The following ARF5 variants were observed in gnomAD, a reference collection of about 807,000 sequenced individuals.
ARF5 encodes the protein ARF GTPase 5.
ARF5 carries 10 observed loss-of-function variants against 24.8 expected under a neutral mutation model. The observed-to-expected ratio is 0.40, with a 90% CI of 0.25 to 0.68. The LOEUF (loss-of-function observed/expected upper bound fraction) is 0.68, where lower values mean the gene tolerates loss of function less well. ARF5 is among the 30% of genes least tolerant of loss of function. The pLI is 0.36. For missense variants in ARF5, 135 were observed against 239.2 expected, an observed-to-expected ratio of 0.56 and a Z score of 2.87; for synonymous variants, 102 against 95.1, an observed-to-expected ratio of 1.07 and a Z score of -0.42.
intron 2 of ARF5, 70 bp from the exon 3 acceptor site, chr7:127,589,415 A>T: frequency 7.5e-7 from 1 of 1,340,140 alleles, no homozygotes; most frequent in Admixed American, 1.8e-5. Flanking sequence ...TCCCTGCTGA[A>T]ATCTAAGTAG....
intron 3 of ARF5, 124 bp from the exon 4 acceptor site, chr7:127,589,942 G>A (rs1191976715): frequency 6.7e-6 from 6 of 892,346 alleles, no homozygotes; most frequent in African/African-American, 4.9e-5. Context: ...GTAAACTTCT[G>A]TAGAGTTTAC....
At chr7:127,589,348 C>T in intron 2 of ARF5, 137 bp from the exon 3 acceptor site, 1 of 1,054,718 alleles carries the variant, frequency 9.5e-7, no homozygotes, top group Non-Finnish European at 1.4e-6. Flanking sequence ...GCCCTGTTGA[C>T]CGCCAGTTCT....
chr7:127,590,882 A>G, intron 4 of ARF5, 81 bp from the exon 5 acceptor site: 2 of 1,503,638 alleles, frequency 1.3e-6, no homozygotes, highest in Middle Eastern at 3.6e-4. Context: ...TCCAATCAAG[A>G]TGCTAGGAGG....
chr7:127,588,860 C>T (rs1448704574), intron 1 of ARF5: 5 of 597,500 alleles, frequency 8.4e-6, no homozygotes, highest in Non-Finnish European at 1.5e-5. Flanking sequence ...GCCTACCTCC[C>T]GTGCCCCTTG....
chr7:127,589,308 C>G (rs915916950), intron 2 of ARF5, 145 bp downstream of exon 2: 1 of 1,133,248 alleles, frequency 8.8e-7, no homozygotes, highest in Non-Finnish European at 1.3e-6. Flanking sequence ...TACGTGGATA[C>G]CGGAGGCAGG....
At chr7:127,589,880 A>C (rs1794258458) in intron 3 of ARF5, 186 bp from the exon 4 acceptor site, 2 of 626,344 alleles carry the variant, frequency 3.2e-6, no homozygotes, top group Non-Finnish European at 5.6e-6. Flanking sequence ...TCCTCTTTGC[A>C]GTGGGGTCTC....
intron 1 of ARF5, 54 bp downstream of exon 1, chr7:127,588,619 C>A: frequency 7.7e-7 from 1 of 1,291,866 alleles, no homozygotes; most frequent in Non-Finnish European, 1.0e-6. Context: ...CGGCGCAGCC[C>A]TTCCGCCCCC....
chr7:127,588,988 C>A, intron 1 of ARF5, 95 bp from the exon 2 acceptor site: 1 of 1,423,138 alleles, frequency 7.0e-7, no homozygotes, highest in South Asian at 1.2e-5. Flanking sequence ...GCTCTCCGCC[C>A]CAGTCACCAT....
At position 127,588,470 on chromosome 7, in the gene ARF5, G is replaced by C; in HGVS notation, c.-29G>C. The C allele has an allele frequency of 2.1e-6, 3 of 1,405,236 alleles. No individual in the cohort carries two copies. The highest frequency in any genetic ancestry group is 1.9e-6 in the Non-Finnish European group (2 of 1,064,654). 87.0% of individuals were successfully genotyped at this position (1,405,236 alleles called of 1,614,324 possible). A position where few individuals can be genotyped will look rare whatever the true frequency, so the allele number is the denominator to read the frequency against. On this transcript the variant is annotated 5_prime_UTR_variant, in exon 1 of 6. Transcript: ENST00000000233. The stretch of plus-strand genomic sequence containing the variant: ...CCAGTTCCAGCCCGCACCCCGCGTC[G>C]GTGCCCGCGCCCCTCCCCGGGCCCC...
chr7:127,589,741 C>A, intron 3 of ARF5, 147 bp downstream of exon 3: 1 of 640,136 alleles, frequency 1.6e-6, no homozygotes, highest in Non-Finnish European at 2.7e-6. Context: ...CCCCTACTCA[C>A]TCTTCAGAAC....
chr7:127,591,273 C>G lies in ARF5; in HGVS notation c.517C>G (p.Leu173Val). Residue 173 changes from leucine (L) to valine (V), a missense_variant, in exon 6 of 6, where the codon CTG (leucine) becomes GTG (valine). Leu to Val is a conservative substitution (Grantham distance 32, BLOSUM62 1). Coordinates refer to ENST00000000233, the MANE Select transcript of ARF5 (RefSeq NM_001662.4). ...AGGTCTGTACGATGGTCTGGACTGG[C>G]TGTCCCACGAGCTGTCAAAGCGCTA... is the stretch of plus-strand genomic sequence containing the variant. Reference protein sequence around the residue: ...GTGLYDGLDWLSHELSKR With the variant: ...GTGLYDGLDWVSHELSKR 6.2e-7 allele frequency: 1 copy of G among 1,605,730 alleles called. No homozygotes were observed. Among genetic ancestry groups the G allele is most frequent in the Non-Finnish European group, 8.5e-7 (1 of 1,177,216 alleles).
intron 4 of ARF5, 80 bp downstream of exon 4, chr7:127,590,217 C>T (rs1794263371): frequency 2.5e-6 from 3 of 1,185,516 alleles, no homozygotes; most frequent in South Asian, 2.4e-5. Flanking sequence ...AGTCAGGGAG[C>T]CCCCAACAGG....
rs1794235052 is a variant in ARF5, at chr7:127,588,411, C to G, written c.-88C>G. On this transcript the variant is annotated 5_prime_UTR_variant, in exon 1 of 6. Transcript: ENST00000000233. ...GCGGAGGCGGCGGCGGAGCCTCCTC[C>G]TGCTGCTGCTGCGCCCCATCCCCCC... 1.2e-6 allele frequency: 1 copy of G among 822,688 alleles called. No homozygotes were observed. The highest frequency in any genetic ancestry group is 3.6e-5 in the East Asian group (1 of 27,856). The allele number at this position is 822,688 out of a possible 1,614,324, so 51.0% of individuals were successfully genotyped here. A position where few individuals can be genotyped will look rare whatever the true frequency, so the allele number is the denominator to read the frequency against.
rs757677669 is a variant in ARF5, at chr7:127,588,455, C to T, written c.-44C>T. On this transcript the variant is annotated 5_prime_UTR_variant, in exon 1 of 6. Transcript: ENST00000000233. ...TCCCCCCGCGGCCGGCCAGTTCCAGCCCGCACCCCGCGTCGGTGCCCGCGC... is the reference window on the plus strand; with the variant it reads ...TCCCCCCGCGGCCGGCCAGTTCCAGTCCGCACCCCGCGTCGGTGCCCGCGC... The T allele has an allele frequency of 2.2e-6, 3 of 1,369,348 alleles. No homozygotes were observed. The highest frequency in any genetic ancestry group is 1.5e-5 in the African/African-American group (1 of 66,526). The allele number at this position is 1,369,348 out of a possible 1,614,324, so 84.8% of individuals were successfully genotyped here.
chr7:127,588,706 C>A, intron 1 of ARF5, 141 bp downstream of exon 1: 4 of 868,176 alleles, frequency 4.6e-6, no homozygotes, highest in Non-Finnish European at 6.5e-6. Flanking sequence ...CCTCTGCTCT[C>A]GGGCGGGTCC....
intron 5 of ARF5, 23 bp downstream of exon 5, chr7:127,591,111 GCTGAATC>G: frequency 6.2e-7 from 1 of 1,613,188 alleles, no homozygotes; most frequent in Non-Finnish European, 8.5e-7. Context: ...CCCACCTGGT[GCTGAATC>G]CTGCCTCTTG....
rs965631736 is a variant in ARF5 at position 127,588,509 on chromosome 7, C to G, written c.11C>G (p.Thr4Ser). The G allele has an allele frequency of 8.1e-6, 12 of 1,473,128 alleles. No homozygotes were observed. The highest frequency in any genetic ancestry group is 2.9e-5 in the African/African-American group (2 of 69,340). 91.3% of individuals were successfully genotyped at this position (1,473,128 alleles called of 1,614,324 possible). Residue 4 changes from threonine (T) to serine (S), a missense_variant, in exon 1 of 6, where the codon ACC becomes AGC. By Grantham distance (58) the Thr-to-Ser change is moderately conservative. Transcript: ENST00000000233. The stretch of plus-strand genomic sequence containing the variant: ...TCCCCGGGCCCCGCCATGGGCCTCA[C>G]CGTGTCCGCGCTCTTTTCGCGGATC... MGL[T>S]VSALFSRIFG...
At chr7:127,588,981 C>A in intron 1 of ARF5, 102 bp from the exon 2 acceptor site, 1 of 1,387,628 alleles carries the variant, frequency 7.2e-7, no homozygotes, top group Non-Finnish European at 1.0e-6. Flanking sequence ...CGCTCCCGCT[C>A]TCCGCCCCAG....
intron 1 of ARF5, 150 bp from the exon 2 acceptor site, chr7:127,588,933 C>T: frequency 1.1e-6 from 1 of 884,422 alleles, no homozygotes; most frequent in Admixed American, 2.3e-5. Context: ...CGACTGCCCT[C>T]CAGGCCTCAA....
Sources: gnomAD v4.1 joint callset for allele counts on GRCh38, gnomAD v4.1.1 for gene constraint, MANE v1.5 for transcripts, NCBI Gene and HGNC (gene_info 2026-07-23, HGNC 2026-07-21) for gene names.